PDE4D: variants seen among roughly 807,000 people sequenced by gnomAD.
PDE4D encodes the protein 3',5'-cyclic-AMP phosphodiesterase 4D.
Under a neutral mutation model 87.4 loss-of-function variants are expected in PDE4D, and 24 were observed. The observed-to-expected ratio is 0.27, with a 90% CI of 0.20 to 0.39. The LOEUF (loss-of-function observed/expected upper bound fraction) is 0.39, where lower values mean the gene tolerates loss of function less well. Ranked by LOEUF, PDE4D falls within the 10% of genes least tolerant of loss-of-function variation. The probability of loss-of-function intolerance (pLI) is 1.00; values close to 1 mark genes in which losing one functional copy is unlikely to be tolerated. For synonymous variants in PDE4D, 384 were observed against 383.2 expected (o/e 1.00, Z -0.02); for missense variants, 714 against 1,041.0 (o/e 0.69, Z 4.32).
chr5:60,230,855 A>G (rs1264999389), intron 1 of PDE4D, among the ~76,000 whole-genome samples: 1 of 152,106 alleles, frequency 6.6e-6, no homozygotes, highest in Non-Finnish European at 1.5e-5. Context: ...AACATCATCC[A>G]TCAGAAATAG....
chr5:59,317,186 T>G (rs1032109217), intron 1 of PDE4D, among the ~76,000 whole-genome samples: 4 of 152,174 alleles, frequency 2.6e-5, no homozygotes, highest in Non-Finnish European at 4.4e-5. Context: ...GTTGAGAGCA[T>G]CCACTGGCTT....
intron 1 of PDE4D, among the ~76,000 whole-genome samples, chr5:60,457,882 A>T (rs1746597039): frequency 6.6e-6 from 1 of 152,170 alleles, no homozygotes; most frequent in Non-Finnish European, 1.5e-5. Flanking sequence ...TGTGGCAGAT[A>T]TTCTCTGCTT....
intron 2 of PDE4D, among the ~76,000 whole-genome samples, chr5:60,146,184 AG>A (rs1780983048): frequency 1.3e-5 from 2 of 152,254 alleles, no homozygotes; most frequent in Non-Finnish European, 2.9e-5. Flanking sequence ...ACTGCACTCC[AG>A]CCTGGGCAAC....
At chr5:60,394,345 C>T (rs550235367) in intron 1 of PDE4D, among the ~76,000 whole-genome samples, 1 of 152,276 alleles carries the variant, frequency 6.6e-6, no homozygotes, top group Non-Finnish European at 1.5e-5. Flanking sequence ...CTCTTGCCTC[C>T]TTTTAAAGTT....
intron 2 of PDE4D, among the ~76,000 whole-genome samples, chr5:60,061,100 G>GAAAT (rs1180353755): frequency 6.6e-6 from 1 of 152,074 alleles, no homozygotes; most frequent in Non-Finnish European, 1.5e-5. Context: ...GCAAGAGAAA[G>GAAAT]AAATAAAGCG....
chr5:60,415,420 G>T (rs765640315), intron 1 of PDE4D, among the ~76,000 whole-genome samples: 6 of 152,262 alleles, frequency 3.9e-5, no homozygotes, highest in Non-Finnish European at 2.9e-5. Flanking sequence ...GGCCAAGGCC[G>T]GAGCCGGCGC....
chr5:60,306,373 TA>T (rs1229501168), intron 1 of PDE4D, among the ~76,000 whole-genome samples: 1 of 151,982 alleles, frequency 6.6e-6, no homozygotes, highest in Admixed American at 6.6e-5. Flanking sequence ...CTCATCATTT[TA>T]AAAATTGAAT....
intron 2 of PDE4D, among the ~76,000 whole-genome samples, chr5:60,022,244 G>A (rs1261577828): frequency 6.6e-6 from 1 of 152,072 alleles, no homozygotes. Context: ...TTAGAAGATG[G>A]GCTAAAAACG....
intron 1 of PDE4D, among the ~76,000 whole-genome samples, chr5:59,724,696 C>T (rs1756347370): frequency 6.6e-6 from 1 of 152,040 alleles, no homozygotes; most frequent in African/African-American, 2.4e-5. Flanking sequence ...GAGTGCACCA[C>T]CAGGTGGTGA....
At chr5:59,085,677 T>C (rs956426477) in intron 5 of PDE4D, among the ~76,000 whole-genome samples, 2 of 152,166 alleles carry the variant, frequency 1.3e-5, no homozygotes. Flanking sequence ...TGGAGATGTA[T>C]CTTGACTTTA....
intron 1 of PDE4D, among the ~76,000 whole-genome samples, chr5:59,413,353 G>A (rs370909557): frequency 2.6e-4 from 39 of 150,632 alleles, no homozygotes; most frequent in African/African-American, 9.0e-4. Flanking sequence ...AGCTACTCAG[G>A]AAGCTGAGGC....
At chr5:60,202,781 A>G (rs1256201579) in intron 1 of PDE4D, among the ~76,000 whole-genome samples, 2 of 152,172 alleles carry the variant, frequency 1.3e-5, no homozygotes, top group African/African-American at 4.8e-5. Context: ...TGAAAAGAAA[A>G]AAAAATACAG....
intron 1 of PDE4D, among the ~76,000 whole-genome samples, chr5:59,596,965 A>G (rs903457304): frequency 2.0e-5 from 3 of 152,178 alleles, no homozygotes; most frequent in African/African-American, 7.2e-5. Context: ...AGAAGGCAGG[A>G]AAGAACAGAA....
intron 1 of PDE4D, among the ~76,000 whole-genome samples, chr5:59,321,051 T>G (rs1385392426): frequency 6.6e-6 from 1 of 152,098 alleles, no homozygotes; most frequent in Non-Finnish European, 1.5e-5. Flanking sequence ...CACTTAACAC[T>G]GGGATGAAAC....
chr5:59,468,907 G>A (rs568686854), intron 1 of PDE4D, among the ~76,000 whole-genome samples: 2 of 152,188 alleles, frequency 1.3e-5, no homozygotes, highest in Non-Finnish European at 2.9e-5. Flanking sequence ...GGTGGCTCAT[G>A]AGAGAAACAA....
At chr5:59,265,286 A>G (rs550448175) in intron 1 of PDE4D, among the ~76,000 whole-genome samples, 17 of 152,018 alleles carry the variant, frequency 1.1e-4, no homozygotes, top group Non-Finnish European at 2.5e-4. Context: ...TAACTAAATC[A>G]GAGGTGGTTT....
chr5:60,121,164 G>A lies in PDE4D; in HGVS notation c.42+64393C>T, dbSNP rs1329966946. ...ATTGTGGGACCATGTGATCATGTGA[G>A]TTAATACTATATATATATAGGATAT... On this transcript the variant is annotated intron_variant, in intron 2 of 16. Coordinates refer to the PDE4D transcript ENST00000502484. Among the ~76,000 whole-genome samples the A allele has an allele frequency of 1.9e-4, 29 of 151,440 alleles. 1 individual carries two copies. The highest frequency in any genetic ancestry group is 1.9e-3 in the Admixed American group (29 of 15,204).
At chr5:59,849,942 T>C (rs930755829) in intron 1 of PDE4D, among the ~76,000 whole-genome samples, 5 of 152,180 alleles carry the variant, frequency 3.3e-5, no homozygotes, top group South Asian at 2.1e-4. Context: ...GCAGTTGATA[T>C]ATTTACTTGG....
chr5:59,706,073 A>AT (rs1031084431), intron 1 of PDE4D, among the ~76,000 whole-genome samples: 2 of 152,090 alleles, frequency 1.3e-5, no homozygotes, highest in African/African-American at 2.4e-5. Flanking sequence ...TCTTTCAGAG[A>AT]TTTTTTTATG....
Sources: gnomAD v4.1 joint callset for allele counts (sites outside exome capture counted in the v4.1 genomes callset) on GRCh38, gnomAD v4.1.1 for gene constraint, MANE v1.5 for transcripts, NCBI Gene and HGNC (gene_info 2026-07-23, HGNC 2026-07-21) for gene names.